Variants in SORCS2 observed in about 807,000 individuals in gnomAD.
SORCS2 encodes the protein VPS10 domain-containing receptor SorCS2.
In SORCS2, 100 loss-of-function variants were observed where a neutral mutation model predicts 141.6. That is an observed-to-expected ratio of 0.71 (90% CI 0.60 to 0.83). The LOEUF (loss-of-function observed/expected upper bound fraction) is 0.83, where lower values mean the gene tolerates loss of function less well. Ranked by LOEUF, SORCS2 falls within the 40% of genes least tolerant of loss-of-function variation. SORCS2 has a pLI of 0.00. For missense variants in SORCS2, 1,646 were observed against 1,560.2 expected (o/e 1.05, Z -0.93); for synonymous variants, 789 against 676.9 (o/e 1.17, Z -2.57).
At chr4:7,501,862 C>T (rs935992977) in intron 2 of SORCS2, among the ~76,000 whole-genome samples, 2 of 152,220 alleles carry the variant, frequency 1.3e-5, no homozygotes, top group Admixed American at 6.5e-5. Flanking sequence ...ACTGTAATTA[C>T]ATTGGAAGAA....
At chr4:7,197,700 A>G (rs1462050227) in intron 1 of SORCS2, among the ~76,000 whole-genome samples, 1 of 152,214 alleles carries the variant, frequency 6.6e-6, no homozygotes, top group African/African-American at 2.4e-5. Context: ...CAAACCATAG[A>G]AAAGAAGTTT....
intron 1 of SORCS2, among the ~76,000 whole-genome samples, chr4:7,304,694 C>G (rs1717664129): frequency 6.6e-6 from 1 of 152,198 alleles, no homozygotes; most frequent in African/African-American, 2.4e-5. Context: ...GGCCTGAGCT[C>G]CTGGTGGGCG....
At chr4:7,212,741 G>A (rs1323867550) in intron 1 of SORCS2, among the ~76,000 whole-genome samples, 2 of 152,254 alleles carry the variant, frequency 1.3e-5, no homozygotes. Flanking sequence ...CGCTTCCATT[G>A]CCTGGCTAGG....
At chr4:7,492,922 T>G (rs1027591022) in intron 2 of SORCS2, among the ~76,000 whole-genome samples, 2 of 152,170 alleles carry the variant, frequency 1.3e-5, no homozygotes, top group Non-Finnish European at 2.9e-5. Flanking sequence ...TGCTAACCAC[T>G]GCAACATAAG....
chr4:7,667,574 C>G (rs888360937), intron 8 of SORCS2, among the ~76,000 whole-genome samples: 6 of 152,216 alleles, frequency 3.9e-5, no homozygotes, highest in African/African-American at 1.4e-4. Context: ...CTTCTCCTTG[C>G]TGGTGCCCAG....
intron 12 of SORCS2, among the ~76,000 whole-genome samples, chr4:7,697,947 G>A (rs965274994): frequency 3.9e-5 from 6 of 152,182 alleles, no homozygotes; most frequent in South Asian, 4.1e-4. Context: ...GCAGCCCCAC[G>A]TGGAGCTCAG....
chr4:7,593,907 TCAAC>T (rs1049348503), intron 3 of SORCS2, among the ~76,000 whole-genome samples: 1 of 152,238 alleles, frequency 6.6e-6, no homozygotes, highest in Admixed American at 6.5e-5. Flanking sequence ...TCATTAGTCA[TCAAC>T]CAAAGTGCTC....
intron 1 of SORCS2, among the ~76,000 whole-genome samples, chr4:7,213,630 ACC>A (rs1728170470): frequency 6.6e-6 from 1 of 152,150 alleles, no homozygotes; most frequent in Admixed American, 6.5e-5. Context: ...CATTGCAAGG[ACC>A]TCGGGAGCCT....
intron 2 of SORCS2, among the ~76,000 whole-genome samples, chr4:7,493,694 G>A (rs1412017126): frequency 6.6e-6 from 1 of 152,210 alleles, no homozygotes; most frequent in African/African-American, 2.4e-5. Context: ...TGTCCCAGAA[G>A]GGCTGGGCTC....
In SORCS2 at chr4:7,326,180, G is replaced by C. The variant is rs184382905; in HGVS notation, c.481-70108G>C. Among the ~76,000 whole-genome samples, 62 of 152,184 alleles carry C rather than the reference G, an allele frequency of 4.1e-4. No individual in the cohort carries two copies. The East Asian group carries it at 0.011, about 28-fold the overall frequency. On this transcript the variant is annotated intron_variant, in intron 1 of 26. Coordinates refer to ENST00000507866, the MANE Select transcript of SORCS2 (RefSeq NM_020777.3). ...CATCACAAGATAAATAGTGGGGATG[G>C]GAGGCTCCAGGGGAGTTAGGATCAC...
intron 1 of SORCS2, among the ~76,000 whole-genome samples, chr4:7,319,541 C>T (rs1445000609): frequency 1.3e-5 from 2 of 151,956 alleles, no homozygotes; most frequent in East Asian, 1.9e-4. Context: ...CCTATCTCTA[C>T]ATTAAAAAAA....
chr4:7,597,923 G>A (rs1041343958), intron 3 of SORCS2, among the ~76,000 whole-genome samples: 1 of 151,008 alleles, frequency 6.6e-6, no homozygotes, highest in African/African-American at 2.4e-5. Context: ...AGGGGAACTG[G>A]TGTCCAGGAT....
intron 26 of SORCS2, among the ~76,000 whole-genome samples, chr4:7,737,542 G>A (rs559803597): frequency 7.9e-5 from 12 of 152,250 alleles, no homozygotes; most frequent in Admixed American, 4.6e-4. Flanking sequence ...CCCCACAGCC[G>A]CTCCCTCAAC....
At chr4:7,427,767 G>A (rs1251656937) in intron 2 of SORCS2, among the ~76,000 whole-genome samples, 4 of 152,056 alleles carry the variant, frequency 2.6e-5, no homozygotes, top group Non-Finnish European at 4.4e-5. Context: ...TGAACTGAGG[G>A]GAGGACTCAT....
chr4:7,735,285 C>G (rs1712077433), intron 25 of SORCS2: 1 of 154,442 alleles, frequency 6.5e-6, no homozygotes, highest in Non-Finnish European at 1.5e-5. Flanking sequence ...TATTTGGAGC[C>G]TCGGGCCCTT....
At chr4:7,210,202 G>C (rs1042701997) in intron 1 of SORCS2, among the ~76,000 whole-genome samples, 19 of 152,170 alleles carry the variant, frequency 1.2e-4, no homozygotes, top group African/African-American at 3.4e-4. Context: ...TGTGAAGGCT[G>C]GGCCCCCGGT....
At chr4:7,300,907 G>A (rs1391320094) in intron 1 of SORCS2, among the ~76,000 whole-genome samples, 2 of 152,216 alleles carry the variant, frequency 1.3e-5, no homozygotes, top group Non-Finnish European at 2.9e-5. Flanking sequence ...CCTGTTGCAT[G>A]TCCCGGCTGT....
At chr4:7,444,579 C>A (rs116418735) in intron 2 of SORCS2, among the ~76,000 whole-genome samples, 6 of 152,180 alleles carry the variant, frequency 3.9e-5, no homozygotes, top group Non-Finnish European at 7.3e-5. Flanking sequence ...GCAGAAGGCG[C>A]CACGGTCAGA....
At chr4:7,203,699 A>C (rs753086066) in intron 1 of SORCS2, among the ~76,000 whole-genome samples, 45 of 152,150 alleles carry the variant, frequency 3.0e-4, no homozygotes, top group Non-Finnish European at 1.2e-4. Context: ...ATGCTTTTTC[A>C]GTGTATGGTT....
Sources: gnomAD v4.1 joint callset for allele counts (sites outside exome capture counted in the v4.1 genomes callset) on GRCh38, gnomAD v4.1.1 for gene constraint, MANE v1.5 for transcripts, NCBI Gene and HGNC (gene_info 2026-07-23, HGNC 2026-07-21) for gene names.